GRIK1: variants seen among roughly 807,000 people sequenced by gnomAD.
The protein encoded by GRIK1 is glutamate ionotropic receptor kainate type subunit 1.
A neutral mutation model predicts 105.7 loss-of-function variants in GRIK1; 69 were observed. The observed-to-expected ratio is 0.65, with a 90% CI of 0.54 to 0.80. The LOEUF (loss-of-function observed/expected upper bound fraction) is 0.80. Ranked by LOEUF, GRIK1 falls within the 30% of genes least tolerant of loss-of-function variation. GRIK1 has a pLI of 0.00. For missense variants in GRIK1, 1,109 were observed against 1,167.3 expected, an observed-to-expected ratio of 0.95 and a Z score of 0.73; for synonymous variants, 438 against 431.3, an observed-to-expected ratio of 1.02 and a Z score of -0.19.
In GRIK1 at chr21:29,939,731, C is replaced by T; in HGVS notation, c.-231G>A. On this transcript the variant is annotated 5_prime_UTR_variant, in exon 1 of 18. Transcript: ENST00000327783. The stretch of plus-strand genomic sequence containing the variant: ...TGCTGTCGCTAGCCCATCACGGCTC[C>T]TCCTCCTCCTCTTCCATGGGCCGCA... 1 of 401,378 alleles carries T rather than the reference C, an allele frequency of 2.5e-6. No individual in the cohort carries two copies. Among genetic ancestry groups the T allele is most frequent in the Non-Finnish European group, 4.4e-6 (1 of 226,876 alleles). 24.9% of individuals were successfully genotyped at this position (401,378 alleles called of 1,614,324 possible).
At chr21:29,927,622 C>A (rs540394598) in intron 1 of GRIK1, among the ~76,000 whole-genome samples, 4 of 151,458 alleles carry the variant, frequency 2.6e-5, no homozygotes, top group African/African-American at 9.7e-5. Flanking sequence ...CCTGTAATCC[C>A]AGCACTTTGG....
At chr21:29,939,279 C>T (rs2071886183) in intron 1 of GRIK1, 104 bp downstream of exon 1, 7 of 687,330 alleles carry the variant, frequency 1.0e-5, no homozygotes, top group Non-Finnish European at 1.8e-5. Context: ...TCCCCAGCTC[C>T]GGCTCCTGCG....
At chr21:29,750,862 A>G (rs2145644305) in intron 1 of GRIK1, among the ~76,000 whole-genome samples, 1 of 152,340 alleles carries the variant, frequency 6.6e-6, no homozygotes, top group East Asian at 1.9e-4. Context: ...AGAGACCACC[A>G]AACAGGCTTT....
intron 1 of GRIK1, among the ~76,000 whole-genome samples, chr21:29,869,047 A>AT (rs1442908252): frequency 1.3e-5 from 2 of 152,224 alleles, no homozygotes; most frequent in Non-Finnish European, 2.9e-5. Context: ...GGGCAGCAAG[A>AT]TCCCCCAGAA....
At position 29,537,795 on chromosome 21, in the gene GRIK1, A is replaced by G. The variant is rs746583346; in HGVS notation, c.2694+3T>C. 1.4e-6 allele frequency: 2 copies of G among 1,426,710 alleles called. No individual in the cohort carries two copies. The highest frequency in any genetic ancestry group is 9.9e-7 in the Non-Finnish European group (1 of 1,010,218). 88.4% of individuals were successfully genotyped at this position (1,426,710 alleles called of 1,614,324 possible). ...TCAGTAATGCTATAGAAAATGAACAAACCTTCTCTACACCAAGGCTTTGTT... is the reference window on the plus strand; with the variant it reads ...TCAGTAATGCTATAGAAAATGAACAGACCTTCTCTACACCAAGGCTTTGTT... On this transcript the variant is annotated splice_donor_region_variant and intron_variant, in intron 17 of 17. Transcript: ENST00000327783.
chr21:29,743,052 T>G (rs1227513878), intron 1 of GRIK1, among the ~76,000 whole-genome samples: 2 of 152,076 alleles, frequency 1.3e-5, no homozygotes, highest in Admixed American at 6.6e-5. Context: ...TTTTTTTTTT[T>G]CAAGGTGTTC....
At chr21:29,924,740 C>A (rs2071302698) in intron 1 of GRIK1, among the ~76,000 whole-genome samples, 1 of 152,148 alleles carries the variant, frequency 6.6e-6, no homozygotes, top group African/African-American at 2.4e-5. Flanking sequence ...AACATTGGCT[C>A]TGCTTCCAGG....
intron 1 of GRIK1, among the ~76,000 whole-genome samples, chr21:29,787,108 G>A (rs1490327959): frequency 1.3e-5 from 2 of 152,142 alleles, no homozygotes; most frequent in African/African-American, 2.4e-5. Flanking sequence ...TCAAGCAGGC[G>A]ATTTTAAGAT....
At chr21:29,910,772 G>A (rs942549008) in intron 1 of GRIK1, among the ~76,000 whole-genome samples, 53 of 586 alleles carry the variant, frequency 0.09, no homozygotes, top group African/African-American at 0.15. Context: ...TATGCTTGTA[G>A]TAATTTTACA....
chr21:29,796,763 A>G (rs1299968269), intron 1 of GRIK1, among the ~76,000 whole-genome samples: 2 of 152,168 alleles, frequency 1.3e-5, no homozygotes, highest in African/African-American at 4.8e-5. Context: ...AGCCTGGCCA[A>G]CATGGTGAAA....
chr21:29,876,110 A>ATG (rs200701692), intron 1 of GRIK1, among the ~76,000 whole-genome samples: 20 of 39,678 alleles, frequency 5.0e-4, no homozygotes, highest in African/African-American at 9.8e-4. Context: ...GAGGAGATAG[A>ATG]TATGTGTGTG....
At chr21:29,594,185 A>ATGTG (rs35296703) in intron 9 of GRIK1, among the ~76,000 whole-genome samples, 7 of 150,372 alleles carry the variant, frequency 4.7e-5, no homozygotes, top group Non-Finnish European at 8.9e-5. Context: ...AGAACTGTGT[A>ATGTG]TGTGTGTGTG....
At chr21:29,590,002 A>G (rs1483616001) in intron 10 of GRIK1, among the ~76,000 whole-genome samples, 5 of 152,138 alleles carry the variant, frequency 3.3e-5, no homozygotes, top group Non-Finnish European at 7.4e-5. Context: ...TACGTGCATC[A>G]TCAGTCCCCT....
intron 16 of GRIK1, among the ~76,000 whole-genome samples, chr21:29,552,077 G>A (rs2090144532): frequency 6.6e-6 from 1 of 152,104 alleles, no homozygotes; most frequent in African/African-American, 2.4e-5. Context: ...CAACTTTCCT[G>A]AATATGCTTT....
rs1350521739 is a variant in GRIK1 at position 29,560,511 on chromosome 21, CCTTCCTTCCTTT to C, written c.2356+1101_2356+1112del. 4.9e-3 allele frequency among the ~76,000 whole-genome samples: 195 copies of C among 40,192 alleles called. 24 individuals carry two copies. The highest frequency in any genetic ancestry group is 0.015 in the African/African-American group (104 of 7,090). 26.4% of individuals were successfully genotyped at this position (40,192 alleles called of 152,430 possible). The stretch of plus-strand genomic sequence containing the variant: ...TCTTTCTTTCTTTCCTTCCTTCCTT[CCTTCCTTCCTTT>C]CTTTCTTTCTTTCTTTCTTTCTTTC... On this transcript the variant is annotated intron_variant, in intron 15 of 17. Transcript: ENST00000327783.
intron 1 of GRIK1, among the ~76,000 whole-genome samples, chr21:29,887,632 AG>A (rs1256054387): frequency 6.6e-6 from 1 of 152,170 alleles, no homozygotes; most frequent in Non-Finnish European, 1.5e-5. Flanking sequence ...GTCAGAGGTA[AG>A]GGGTTGCTTG....
At chr21:29,537,423 G>A (rs1343060019) in intron 17 of GRIK1, 38 bp from the exon 18 acceptor site, 14 of 1,554,668 alleles carry the variant, frequency 9.0e-6, no homozygotes, top group African/African-American at 8.3e-5. Context: ...GCTTAATTAA[G>A]CCTATCGCAT....
chr21:29,841,872 A>G (rs901992695), intron 1 of GRIK1, among the ~76,000 whole-genome samples: 1 of 152,108 alleles, frequency 6.6e-6, no homozygotes, highest in South Asian at 2.1e-4. Flanking sequence ...CCTCATCTCA[A>G]ATGCCTACCT....
chr21:29,578,792 T>A (rs2090952058), intron 13 of GRIK1, among the ~76,000 whole-genome samples: 1 of 152,174 alleles, frequency 6.6e-6, no homozygotes, highest in Non-Finnish European at 1.5e-5. Flanking sequence ...CAAGGTTGTT[T>A]CATATCTTTG....
Sources: allele counts gnomAD v4.1 joint callset (sites outside exome capture counted in the v4.1 genomes callset), GRCh38; gene constraint gnomAD v4.1.1; transcripts MANE v1.5; gene names NCBI Gene and HGNC (gene_info 2026-07-23, HGNC 2026-07-21).